The following GK5 variants were observed in gnomAD, a reference collection of about 807,000 sequenced individuals.
The protein encoded by GK5 is ATP:glycerol 3-phosphotransferase 5.
In GK5, 39 loss-of-function variants were observed where a neutral mutation model predicts 77.3. The observed-to-expected ratio is 0.50, with a 90% CI of 0.39 to 0.66. The LOEUF is 0.66. Ranked by LOEUF, GK5 falls within the 30% of genes least tolerant of loss-of-function variation. The pLI is 0.00. For synonymous variants in GK5, 211 were observed against 208.0 expected, an observed-to-expected ratio of 1.01 and a Z score of -0.13; for missense variants, 487 against 633.8, an observed-to-expected ratio of 0.77 and a Z score of 2.49.
At chr3:142,167,979 T>C (rs576443743) in intron 15 of GK5, among the ~76,000 whole-genome samples, 20 of 152,210 alleles carry the variant, frequency 1.3e-4, no homozygotes, top group African/African-American at 4.8e-4. Flanking sequence ...GCCATTGCAC[T>C]CCAGCCTAGG....
intron 5 of GK5, among the ~76,000 whole-genome samples, chr3:142,191,084 C>T (rs1164910830): frequency 1.3e-5 from 2 of 151,868 alleles, no homozygotes; most frequent in Non-Finnish European, 2.9e-5. Context: ...GCCATGTCAC[C>T]CAGGCTGGAG....
At chr3:142,170,551 T>A in intron 14 of GK5, 93 bp from the exon 15 acceptor site, 1 of 1,067,546 alleles carries the variant, frequency 9.4e-7, no homozygotes, top group Non-Finnish European at 1.3e-6. Flanking sequence ...TCCTTGATTT[T>A]ATTTTATAAA....
chr3:142,222,938 C>A (rs529655860), intron 1 of GK5, among the ~76,000 whole-genome samples: 1 of 152,222 alleles, frequency 6.6e-6, no homozygotes, highest in Non-Finnish European at 1.5e-5. Flanking sequence ...CGTAACTACA[C>A]TTTAAGCAGT....
In GK5 at chr3:142,189,724, C is replaced by T. The variant is rs111308224; in HGVS notation, c.544-1945G>A. 9.4e-3 allele frequency among the ~76,000 whole-genome samples: 1,436 copies of T among 152,266 alleles called. 24 individuals carry two copies. The highest frequency in any genetic ancestry group is 0.032 in the African/African-American group (1,335 of 41,558). On this transcript the variant is annotated intron_variant, in intron 5 of 15. Transcript: ENST00000392993. ...GCTAAGGACTGCAAATGGCTCTACC[C>T]TAAGAGTAGGAGTAAACTAGGACCG...
At chr3:142,218,540 CAA>C (rs569737640) in intron 1 of GK5, among the ~76,000 whole-genome samples, 21 of 58,962 alleles carry the variant, frequency 3.6e-4, no homozygotes, top group African/African-American at 7.7e-4. Context: ...GGCTCCATCT[CAA>C]AAAAAAAAAA....
Position 142,177,582 on chromosome 3 carries a change from AAAAC to A in GK5, c.1049-10_1049-7del, listed in dbSNP as rs758202750. On this transcript the variant is annotated splice_region_variant and splice_polypyrimidine_tract_variant and intron_variant, in intron 11 of 15. Coordinates refer to ENST00000392993, the MANE Select transcript of GK5 (RefSeq NM_001039547.3). ...AGCAGCATCTGTGAAAAGGTCTGCA[AAAAC>A]AAACAAACAACAAAAAACCCTAAAA... 1.9e-5 allele frequency: 30 copies of A among 1,575,078 alleles called. No individual in the cohort carries two copies. Among genetic ancestry groups the A allele is most frequent in the Admixed American group, 5.3e-5 (3 of 56,324 alleles).
intron 5 of GK5, among the ~76,000 whole-genome samples, chr3:142,195,450 C>A (rs1017670823): frequency 6.6e-6 from 1 of 151,830 alleles, no homozygotes; most frequent in Non-Finnish European, 1.5e-5. Flanking sequence ...CTCAAGCAAT[C>A]CTCCCACCCC....
At chr3:142,211,255 C>T (rs1192847202) in intron 3 of GK5, among the ~76,000 whole-genome samples, 1 of 152,156 alleles carries the variant, frequency 6.6e-6, no homozygotes, top group Non-Finnish European at 1.5e-5. Flanking sequence ...TGAACAGCTG[C>T]AACACCACAG....
At chr3:142,195,128 TG>T (rs1199052396) in intron 5 of GK5, among the ~76,000 whole-genome samples, 2 of 152,032 alleles carry the variant, frequency 1.3e-5, no homozygotes, top group South Asian at 2.1e-4. Flanking sequence ...CATGATCATG[TG>T]TTTTTTTGTC....
chr3:142,194,021 A>G (rs2063894645), intron 5 of GK5, among the ~76,000 whole-genome samples: 1 of 152,010 alleles, frequency 6.6e-6, no homozygotes, highest in African/African-American at 2.4e-5. Flanking sequence ...GATTACAGGC[A>G]TGAGCCACTG....
chr3:142,196,694 C>A (rs2063938579), intron 5 of GK5, among the ~76,000 whole-genome samples: 1 of 152,110 alleles, frequency 6.6e-6, no homozygotes, highest in Non-Finnish European at 1.5e-5. Context: ...ATAATTTCAA[C>A]CCCTTTAAAT....
chr3:142,193,388 T>C (rs915886004), intron 5 of GK5, among the ~76,000 whole-genome samples: 16 of 151,810 alleles, frequency 1.1e-4, no homozygotes, highest in Non-Finnish European at 1.5e-5. Context: ...AATTGAGAAG[T>C]GTGAGTTTTC....
chr3:142,172,703 T>C lies in GK5; in HGVS notation c.1144-247A>G, dbSNP rs540288669. On this transcript the variant is annotated intron_variant, in intron 12 of 15. Coordinates refer to ENST00000392993, the MANE Select transcript of GK5 (RefSeq NM_001039547.3). ...TGTCAGAAAGAGGAACTGAAGCATA[T>C]AGTAACAAATTATTAAATGCTTAGC... Among the ~76,000 whole-genome samples the C allele has an allele frequency of 2.6e-5, 4 of 152,280 alleles. No homozygotes were observed. In the East Asian group the frequency reaches 7.7e-4, roughly 29 times the overall value.
chr3:142,164,445 C>T lies in GK5; in HGVS notation c.*1177G>A, dbSNP rs1432664636. ...AACTGCCTTAGGACAATTCTACATC[C>T]AGCTTGACACTACTCACGACTTACT... On this transcript the variant is annotated 3_prime_UTR_variant, in exon 16 of 16. Transcript: ENST00000392993. 1 of 152,150 alleles carries T rather than the reference C, an allele frequency of 6.6e-6. No homozygotes were observed. The highest frequency in any genetic ancestry group is 1.5e-5 in the Non-Finnish European group (1 of 68,018). The allele number at this position is 152,150 out of a possible 1,614,324, so 9.4% of individuals were successfully genotyped here. A position where few individuals can be genotyped will look rare whatever the true frequency, so the allele number is the denominator to read the frequency against.
chr3:142,220,023 T>C (rs771889007), intron 1 of GK5, among the ~76,000 whole-genome samples: 27 of 152,240 alleles, frequency 1.8e-4, no homozygotes, highest in Non-Finnish European at 3.7e-4. Flanking sequence ...GTCAAAATGA[T>C]GGCTTAAACA....
chr3:142,162,633 C>G lies in GK5; in HGVS notation c.*2989G>C, dbSNP rs949480642. 10 of 152,100 alleles carry G rather than the reference C, an allele frequency of 6.6e-5. No homozygotes were observed. Among genetic ancestry groups the G allele is most frequent in the African/African-American group, 2.4e-4 (10 of 41,440 alleles). The allele number at this position is 152,100 out of a possible 1,614,324, so 9.4% of individuals were successfully genotyped here. On this transcript the variant is annotated 3_prime_UTR_variant, in exon 16 of 16. Coordinates refer to ENST00000392993, the MANE Select transcript of GK5 (RefSeq NM_001039547.3). ...ATAGATCTATAATGGGAAAATAAAACATGCTGAGAAGTAGCACAAATTTTT... is the reference window on the plus strand; with the variant it reads ...ATAGATCTATAATGGGAAAATAAAAGATGCTGAGAAGTAGCACAAATTTTT...
At chr3:142,201,275 C>CTAT (rs1399257089) in intron 4 of GK5, among the ~76,000 whole-genome samples, 1 of 152,158 alleles carries the variant, frequency 6.6e-6, no homozygotes, top group African/African-American at 2.4e-5. Context: ...TACAGCTGTA[C>CTAT]TATTGAATAC....
At chr3:142,200,769 A>T (rs567834545) in intron 4 of GK5, among the ~76,000 whole-genome samples, 7 of 152,368 alleles carry the variant, frequency 4.6e-5, no homozygotes, top group Admixed American at 4.6e-4. Context: ...AACAATTAGC[A>T]TCTTCATTCA....
intron 13 of GK5, among the ~76,000 whole-genome samples, 191 bp from the exon 14 acceptor site, chr3:142,171,669 C>T (rs566964268): frequency 6.6e-6 from 1 of 152,104 alleles, no homozygotes; most frequent in East Asian, 1.9e-4. Flanking sequence ...AAGCAAGAAG[C>T]GCAGGTCCTT....
Sources: gnomAD v4.1 joint callset for allele counts (sites outside exome capture counted in the v4.1 genomes callset) on GRCh38, gnomAD v4.1.1 for gene constraint, MANE v1.5 for transcripts, NCBI Gene and HGNC (gene_info 2026-07-23, HGNC 2026-07-21) for gene names.